Variants in CNTNAP2 observed in about 807,000 individuals in gnomAD.
CNTNAP2 encodes the protein contactin-associated protein-like 2.
A neutral mutation model predicts 155.2 loss-of-function variants in CNTNAP2; 98 were observed. That is an observed-to-expected ratio of 0.63 (90% CI 0.54 to 0.75). CNTNAP2 has a LOEUF of 0.75. Among genes scored for constraint, CNTNAP2 ranks in the 30% least tolerant of loss-of-function variants. The pLI, the probability that CNTNAP2 is intolerant of heterozygous loss-of-function variation, is 0.00. For missense variants in CNTNAP2, 1,727 were observed against 1,688.1 expected (o/e 1.02, Z -0.40); for synonymous variants, 651 against 631.2 (o/e 1.03, Z -0.47).
chr7:146,612,518 A>G (rs1188958922), intron 1 of CNTNAP2, among the ~76,000 whole-genome samples: 2 of 152,156 alleles, frequency 1.3e-5, no homozygotes, highest in African/African-American at 4.8e-5. Flanking sequence ...GCCAGAGATT[A>G]TGAGTATCCA....
At chr7:146,301,761 A>C (rs926818038) in intron 1 of CNTNAP2, among the ~76,000 whole-genome samples, 27 of 150,962 alleles carry the variant, frequency 1.8e-4, no homozygotes, top group African/African-American at 6.5e-4. Flanking sequence ...CAGTGGTGCA[A>C]GGAATTTTCT....
intron 3 of CNTNAP2, among the ~76,000 whole-genome samples, chr7:146,950,419 A>G (rs185559866): frequency 9.2e-5 from 14 of 152,096 alleles, no homozygotes; most frequent in Admixed American, 3.9e-4. Flanking sequence ...TACATTAGGT[A>G]TTTCTCCTAA....
At chr7:147,518,633 A>T (rs1799174782) in intron 11 of CNTNAP2, among the ~76,000 whole-genome samples, 1 of 152,250 alleles carries the variant, frequency 6.6e-6, no homozygotes, top group Non-Finnish European at 1.5e-5. Context: ...CACTGAAATA[A>T]TCAGCACTGA....
At chr7:146,740,789 G>A (rs1801698545) in intron 1 of CNTNAP2, among the ~76,000 whole-genome samples, 1 of 151,900 alleles carries the variant, frequency 6.6e-6, no homozygotes, top group Non-Finnish European at 1.5e-5. Context: ...GTTGTGTTTG[G>A]CTGGAAGCCC....
chr7:148,339,431 G>A (rs1032470563), intron 21 of CNTNAP2: 16 of 152,260 alleles, frequency 1.1e-4, no homozygotes, highest in Non-Finnish European at 2.1e-4. Context: ...CTCCACCCCG[G>A]GTTTTGCGTC....
At chr7:147,011,146 G>A (rs1798615087) in intron 3 of CNTNAP2, among the ~76,000 whole-genome samples, 1 of 152,040 alleles carries the variant, frequency 6.6e-6, no homozygotes. Flanking sequence ...GGGTGTGATG[G>A]CTTACACCTG....
At chr7:147,326,946 A>G (rs145079845) in intron 9 of CNTNAP2, among the ~76,000 whole-genome samples, 43 of 152,348 alleles carry the variant, frequency 2.8e-4, no homozygotes, top group African/African-American at 9.6e-4. Context: ...GGTACTTAAT[A>G]CATGCTGAAT....
rs543235787 is a variant in CNTNAP2, at chr7:146,822,764, T to C, written c.209-16947T>C. ...ATATTTAAGTGTATACTTAAGAATA[T>C]TTATAAATATACTCATTCTTCAGCA... On this transcript the variant is annotated intron_variant, in intron 2 of 23. Coordinates refer to ENST00000361727, the MANE Select transcript of CNTNAP2 (RefSeq NM_014141.6). Among the ~76,000 whole-genome samples the C allele has an allele frequency of 2.0e-3, 292 of 147,916 alleles. 1 individual carries two copies. The highest frequency in any genetic ancestry group is 6.8e-3 in the African/African-American group (278 of 40,830).
At chr7:146,728,353 G>A (rs1429874186) in intron 1 of CNTNAP2, among the ~76,000 whole-genome samples, 1 of 152,134 alleles carries the variant, frequency 6.6e-6, no homozygotes, top group Non-Finnish European at 1.5e-5. Context: ...TTGCAAGTGA[G>A]TTTCACCCTT....
chr7:146,836,465 G>C (rs917690951), intron 2 of CNTNAP2, among the ~76,000 whole-genome samples: 10 of 152,094 alleles, frequency 6.6e-5, no homozygotes, highest in Non-Finnish European at 1.3e-4. Context: ...GAAAATGTTT[G>C]CTGACCCTTG....
chr7:148,053,244 G>C (rs1329832837), intron 15 of CNTNAP2, among the ~76,000 whole-genome samples: 1 of 152,122 alleles, frequency 6.6e-6, no homozygotes, highest in Non-Finnish European at 1.5e-5. Flanking sequence ...TTGTCAGTAA[G>C]TGCAGGGGAA....
At chr7:147,613,687 C>CA (rs1246841961) in intron 12 of CNTNAP2, among the ~76,000 whole-genome samples, 4 of 151,998 alleles carry the variant, frequency 2.6e-5, no homozygotes, top group African/African-American at 9.7e-5. Flanking sequence ...ACTAAAAATA[C>CA]AAAAAATTAG....
intron 21 of CNTNAP2, among the ~76,000 whole-genome samples, chr7:148,382,678 G>C (rs933303235): frequency 6.6e-6 from 1 of 152,194 alleles, no homozygotes; most frequent in African/African-American, 2.4e-5. Flanking sequence ...TGTGAGCCCA[G>C]GGAGTCGGCA....
intron 10 of CNTNAP2, among the ~76,000 whole-genome samples, chr7:147,416,881 G>A (rs975648686): frequency 1.3e-5 from 2 of 151,816 alleles, no homozygotes; most frequent in Admixed American, 6.6e-5. Context: ...CTGAGTTCAG[G>A]AGTTTGAGAC....
At chr7:146,203,970 C>T (rs1798906329) in intron 1 of CNTNAP2, among the ~76,000 whole-genome samples, 1 of 152,056 alleles carries the variant, frequency 6.6e-6, no homozygotes, top group Non-Finnish European at 1.5e-5. Flanking sequence ...AAATTATATA[C>T]TGTACCTTTA....
chr7:147,211,525 T>C (rs1488418752), intron 8 of CNTNAP2, among the ~76,000 whole-genome samples: 2 of 151,986 alleles, frequency 1.3e-5, no homozygotes, highest in Admixed American at 6.6e-5. Context: ...CCTCCAATAA[T>C]ATGGTCTTTG....
intron 1 of CNTNAP2, among the ~76,000 whole-genome samples, chr7:146,686,026 A>G (rs1800592584): frequency 6.6e-6 from 1 of 152,130 alleles, no homozygotes; most frequent in South Asian, 2.1e-4. Flanking sequence ...GTGAGGCATG[A>G]TGGCTCACAC....
chr7:146,825,447 G>A (rs1444203333), intron 2 of CNTNAP2, among the ~76,000 whole-genome samples: 2 of 152,100 alleles, frequency 1.3e-5, no homozygotes, highest in African/African-American at 4.8e-5. Context: ...CACTATGCAT[G>A]AGTCCTGGGG....
Position 148,061,995 on chromosome 7 carries a change from ATAGATAGATAGAT to A in CNTNAP2, c.2384-56122_2384-56110del, listed in dbSNP as rs1343309243. Among the ~76,000 whole-genome samples the A allele has an allele frequency of 2.2e-3, 289 of 129,720 alleles. 11 individuals are homozygous for A. Among genetic ancestry groups the A allele is most frequent in the African/African-American group, 0.01 (272 of 26,502 alleles). The allele number at this position is 129,720 out of a possible 152,430, so 85.1% of individuals were successfully genotyped here. On this transcript the variant is annotated intron_variant, in intron 15 of 23. Transcript: ENST00000361727. Reference sequence around the variant, plus strand: ...GATAGATAGATAGATAGATAGATAGATAGATAGATAGATGATAGAGAGAGAGAGAGAGAGTGTG... The same window carrying A: ...GATAGATAGATAGATAGATAGATAGAGATAGAGAGAGAGAGAGAGAGTGTG...
Sources: gnomAD v4.1 joint callset for allele counts (sites outside exome capture counted in the v4.1 genomes callset) on GRCh38, gnomAD v4.1.1 for gene constraint, MANE v1.5 for transcripts, NCBI Gene and HGNC (gene_info 2026-07-23, HGNC 2026-07-21) for gene names.